The following DEUP1 variants were observed in gnomAD, a reference collection of about 807,000 sequenced individuals.
The protein encoded by DEUP1 is deuterosome assembly protein 1.
In DEUP1, 82 loss-of-function variants were observed where a neutral mutation model predicts 87.4. That is an observed-to-expected ratio of 0.94 (90% CI 0.78 to 1.13). DEUP1 has a LOEUF of 1.13. Among genes scored for constraint, DEUP1 ranks in the 50% most tolerant of loss-of-function variants. DEUP1 has a pLI of 0.00. For missense variants in DEUP1, 663 were observed against 681.5 expected (o/e 0.97, Z 0.30); for synonymous variants, 214 against 222.7 (o/e 0.96, Z 0.35).
At chr11:93,403,828 C>A (rs1280498619) in intron 11 of DEUP1, among the ~76,000 whole-genome samples, 1 of 151,510 alleles carries the variant, frequency 6.6e-6, no homozygotes, top group Non-Finnish European at 1.5e-5. Context: ...TTAGTTAATT[C>A]TTTCTGAAAT....
At chr11:93,384,063 T>C (rs1196378536) in intron 7 of DEUP1, among the ~76,000 whole-genome samples, 1 of 152,186 alleles carries the variant, frequency 6.6e-6, no homozygotes, top group African/African-American at 2.4e-5. Context: ...ATTAAAAGAC[T>C]CTTCCATTGC....
intron 4 of DEUP1, among the ~76,000 whole-genome samples, chr11:93,360,033 T>C (rs976946341): frequency 6.6e-6 from 1 of 152,114 alleles, no homozygotes; most frequent in Non-Finnish European, 1.5e-5. Context: ...TCGGGTGGTA[T>C]CATAGGAAGG....
At chr11:93,399,831 A>G (rs1426059384) in intron 11 of DEUP1, among the ~76,000 whole-genome samples, 3 of 151,842 alleles carry the variant, frequency 2.0e-5, no homozygotes, top group Non-Finnish European at 4.4e-5. Context: ...CTTTTTGATC[A>G]TATACCATTT....
intron 2 of DEUP1, among the ~76,000 whole-genome samples, chr11:93,338,176 C>T (rs941339183): frequency 2.0e-5 from 3 of 152,120 alleles, no homozygotes. Context: ...CCTCCTTGAA[C>T]TCAAGAAGCA....
At chr11:93,360,049 G>T (rs536917221) in intron 4 of DEUP1, among the ~76,000 whole-genome samples, 1 of 152,234 alleles carries the variant, frequency 6.6e-6, no homozygotes, top group African/African-American at 2.4e-5. Flanking sequence ...GAAGGCTGTT[G>T]AGGAGTCACC....
chr11:93,414,944 CAT>C (rs1200290050), intron 12 of DEUP1, 54 bp from the exon 13 acceptor site: 1 of 975,340 alleles, frequency 1.0e-6, no homozygotes, highest in African/African-American at 1.7e-5. Context: ...TCCTTAGCTA[CAT>C]AAATAAACAT....
chr11:93,385,662 T>G, intron 8 of DEUP1, 119 bp downstream of exon 8: 1 of 637,886 alleles, frequency 1.6e-6, no homozygotes, highest in Non-Finnish European at 2.4e-6. Context: ...ACATGTTAAT[T>G]AGTGGGTAAT....
chr11:93,370,944 T>C (rs1945689196), intron 6 of DEUP1, 94 bp from the exon 7 acceptor site: 2 of 1,096,848 alleles, frequency 1.8e-6, no homozygotes, highest in South Asian at 1.7e-5. Context: ...TATTTAAAGA[T>C]ATTCCTACTA....
intron 11 of DEUP1, among the ~76,000 whole-genome samples, chr11:93,405,312 C>T (rs924162834): frequency 6.6e-6 from 1 of 151,926 alleles, no homozygotes; most frequent in Non-Finnish European, 1.5e-5. Flanking sequence ...TTAGAATAAG[C>T]ACTCCTTTAT....
Position 93,394,601 on chromosome 11 carries a change from A to G in DEUP1, c.1184A>G (p.Glu395Gly), listed in dbSNP as rs2134364614. The change falls in exon 10 of 14, where the codon GAA becomes GGA. Residue 395 changes from glutamate (E) to glycine (G), a missense_variant. By Grantham distance (98) the Glu-to-Gly change is moderately conservative. Transcript: ENST00000298050. ...ATVTKKAALL[E>G]KQLKMELEIK... ...GTCACAAAGAAAGCTGCCCTTCTGG[A>G]AAAACAGTTAAAAATGGAATTAGAA... The G allele has an allele frequency of 6.2e-7, 1 of 1,611,892 alleles. No individual in the cohort carries two copies. Among genetic ancestry groups the G allele is most frequent in the Middle Eastern group, 1.7e-4 (1 of 6,050 alleles).
At chr11:93,397,867 T>A (rs979199308) in intron 11 of DEUP1, among the ~76,000 whole-genome samples, 2 of 152,180 alleles carry the variant, frequency 1.3e-5, no homozygotes, top group Non-Finnish European at 2.9e-5. Flanking sequence ...TAGATGAACA[T>A]CCCTTTATTT....
chr11:93,386,617 T>C (rs1038816275), intron 8 of DEUP1, among the ~76,000 whole-genome samples: 68 of 152,302 alleles, frequency 4.5e-4, no homozygotes, highest in East Asian at 1.3e-3. Flanking sequence ...TAGCATTTCT[T>C]TGAGGTCTAT....
At chr11:93,415,985 A>G (rs1297508601) in intron 13 of DEUP1, among the ~76,000 whole-genome samples, 1 of 152,120 alleles carries the variant, frequency 6.6e-6, no homozygotes, top group Non-Finnish European at 1.5e-5. Context: ...GTGCATGTGT[A>G]TATACATTTC....
intron 11 of DEUP1, among the ~76,000 whole-genome samples, chr11:93,399,305 T>G (rs919671433): frequency 6.6e-6 from 1 of 152,032 alleles, no homozygotes; most frequent in African/African-American, 2.4e-5. Context: ...ATTTAAATTT[T>G]TATGTAAACA....
chr11:93,355,283 G>T, intron 2 of DEUP1, 88 bp from the exon 3 acceptor site: 1 of 1,115,198 alleles, frequency 9.0e-7, no homozygotes, highest in Non-Finnish European at 1.3e-6. Context: ...AGGAAATAAT[G>T]TTCAAGCTAT....
At position 93,437,812 on chromosome 11, in the gene DEUP1, G is replaced by A; in HGVS notation, c.*93G>A. The A allele has an allele frequency of 1.4e-6, 1 of 697,330 alleles. No homozygotes were observed. The highest frequency in any genetic ancestry group is 2.4e-6 in the Non-Finnish European group (1 of 409,328). 43.2% of individuals were successfully genotyped at this position (697,330 alleles called of 1,614,324 possible). A position where few individuals can be genotyped will look rare whatever the true frequency, so the allele number is the denominator to read the frequency against. On this transcript the variant is annotated 3_prime_UTR_variant, in exon 14 of 14. Transcript: ENST00000298050. Reference sequence around the variant, plus strand: ...TTACAAAGCTGATTAATGAAACCAAGAAATTCTGTTCTGTTTCCTTGAGTA... The same window carrying A: ...TTACAAAGCTGATTAATGAAACCAAAAAATTCTGTTCTGTTTCCTTGAGTA...
In DEUP1 at chr11:93,332,254, C is replaced by A; in HGVS notation, c.-6C>A. The A allele has an allele frequency of 1.2e-6, 2 of 1,607,560 alleles. No individual in the cohort carries two copies. The highest frequency in any genetic ancestry group is 2.2e-5 in the South Asian group (2 of 89,408). ...AAATATAAACCAGATGTAGCAGTTTCTTGACATGGAGAACCAAGCCCATAA... is the reference window on the plus strand; with the variant it reads ...AAATATAAACCAGATGTAGCAGTTTATTGACATGGAGAACCAAGCCCATAA... On this transcript the variant is annotated 5_prime_UTR_variant, in exon 2 of 14. Coordinates refer to ENST00000298050, the MANE Select transcript of DEUP1 (RefSeq NM_181645.4).
Position 93,370,124 on chromosome 11 carries a change from ACT to A in DEUP1, c.486_487del (p.His163SerfsTer13), listed in dbSNP as rs1268804559. On this transcript the variant is annotated frameshift_variant, in exon 6 of 14. Transcript: ENST00000298050. LOFTEE classifies it high-confidence loss of function. ...GGACAAGCAAGAGATATTATATCAG[ACT>A]CATCTGATTTCTTTAGATGCTCAAC... is the stretch of plus-strand genomic sequence containing the variant. Reference protein sequence around the residue: ...EWDKQEILYQTHLISLDAQQK... With the variant: ...EWDKQEILYQXHLISLDAQQK... 1 of 1,608,860 alleles carries A rather than the reference ACT, an allele frequency of 6.2e-7. No individual in the cohort carries two copies. Among genetic ancestry groups the A allele is most frequent in the Non-Finnish European group, 8.5e-7 (1 of 1,176,938 alleles).
At chr11:93,388,941 G>T in intron 8 of DEUP1, 79 bp from the exon 9 acceptor site, 1 of 807,162 alleles carries the variant, frequency 1.2e-6, no homozygotes, top group Admixed American at 3.0e-5. Flanking sequence ...AGCCTGTAAT[G>T]GTCTAAATTA....
Sources: gnomAD v4.1 joint callset for allele counts (sites outside exome capture counted in the v4.1 genomes callset) on GRCh38, gnomAD v4.1.1 for gene constraint, MANE v1.5 for transcripts, NCBI Gene and HGNC (gene_info 2026-07-23, HGNC 2026-07-21) for gene names.